The following KIF26B variants were observed in gnomAD, a reference collection of about 807,000 sequenced individuals.
KIF26B encodes the protein kinesin-like protein KIF26B.
In KIF26B, 63 loss-of-function variants were observed where a neutral mutation model predicts 151.2. The ratio of observed to expected loss-of-function variants is 0.42; its 90% CI spans 0.34 to 0.51. The LOEUF (loss-of-function observed/expected upper bound fraction) is 0.51, where lower values mean the gene tolerates loss of function less well. KIF26B is among the 20% of genes least tolerant of loss of function. KIF26B has a pLI of 0.07. For missense variants in KIF26B, 2,813 were observed against 2,913.6 expected (o/e 0.97, Z 0.79); for synonymous variants, 1,357 against 1,262.1 (o/e 1.08, Z -1.59).
intron 9 of KIF26B, among the ~76,000 whole-genome samples, chr1:245,619,198 G>A (rs1189845466): frequency 6.8e-6 from 1 of 147,364 alleles, no homozygotes; most frequent in Non-Finnish European, 1.5e-5. Context: ...CAGTGCTGGG[G>A]CTGTGTCTGC....
chr1:245,440,078 G>T (rs929346274), intron 4 of KIF26B, among the ~76,000 whole-genome samples: 5 of 152,064 alleles, frequency 3.3e-5, no homozygotes, highest in Non-Finnish European at 5.9e-5. Context: ...AAAATTAGCC[G>T]GGCGTGGTGG....
In KIF26B at chr1:245,698,364, C is replaced by T; in HGVS notation, c.6027+56C>T. 1 of 1,515,480 alleles carries T rather than the reference C, an allele frequency of 6.6e-7. No individual in the cohort carries two copies. Among genetic ancestry groups the T allele is most frequent in the Non-Finnish European group, 9.0e-7 (1 of 1,106,266 alleles). 93.9% of individuals were successfully genotyped at this position (1,515,480 alleles called of 1,614,324 possible). On this transcript the variant is annotated intron_variant, in intron 13 of 14. Transcript: ENST00000407071. This position sits in a 1 kb window ranked among gnomAD's most constrained non-coding sequence, Gnocchi z 4.0. ...ACGTGGTGGCAGCTCCCCACCAAGC[C>T]TGAGCAGGTGCTAGGCAGGGCCCTG...
rs147050743 is a variant in KIF26B at position 245,338,885 on chromosome 1, C to T, written c.466-27949C>T. Among the ~76,000 whole-genome samples, 524 of 152,200 alleles carry T rather than the reference C, an allele frequency of 3.4e-3. 1 individual carries two copies. Among genetic ancestry groups the T allele is most frequent in the Non-Finnish European group, 5.7e-3 (386 of 68,016 alleles). On this transcript the variant is annotated intron_variant, in intron 2 of 14. Coordinates refer to ENST00000407071, the MANE Select transcript of KIF26B (RefSeq NM_018012.4). Reference sequence around the variant, plus strand: ...CAGAAGGATTCAGTGATTAGGTATCCCAGACTACATAGGGTCTTGTGGGAT... The same window carrying T: ...CAGAAGGATTCAGTGATTAGGTATCTCAGACTACATAGGGTCTTGTGGGAT...
intron 4 of KIF26B, among the ~76,000 whole-genome samples, chr1:245,520,769 T>G (rs1409890433): frequency 6.6e-6 from 1 of 152,166 alleles, no homozygotes; most frequent in Non-Finnish European, 1.5e-5. Context: ...AAGGGCAATA[T>G]TAATGATCAG....
chr1:245,562,465 C>T (rs375289873), intron 5 of KIF26B, among the ~76,000 whole-genome samples: 4 of 152,212 alleles, frequency 2.6e-5, no homozygotes, highest in Non-Finnish European at 2.9e-5. Flanking sequence ...GGACCGGCCT[C>T]GGGAGTCCAG....
chr1:245,601,145 C>T lies in KIF26B; in HGVS notation c.1351-1432C>T, dbSNP rs2043391819. Among the ~76,000 whole-genome samples the T allele has an allele frequency of 6.6e-6, 1 of 152,104 alleles. No individual in the cohort carries two copies. The highest frequency in any genetic ancestry group is 2.4e-5 in the African/African-American group (1 of 41,428). On this transcript the variant is annotated intron_variant, in intron 5 of 14. Transcript: ENST00000407071. This position sits in a 1 kb window ranked among gnomAD's most constrained non-coding sequence, Gnocchi z 4.4. ...TCAGTGTGAGAAGCAAGATCTAAACCCTCAGAGGTAGAGTGCGTCCCACAC... is the reference window on the plus strand; with the variant it reads ...TCAGTGTGAGAAGCAAGATCTAAACTCTCAGAGGTAGAGTGCGTCCCACAC...
intron 2 of KIF26B, among the ~76,000 whole-genome samples, chr1:245,192,894 A>AT (rs11394975): frequency 0.84 from 128,126 of 151,696 alleles, 54,297 homozygotes; most frequent in East Asian, 0.92. Flanking sequence ...CCAACAGATA[A>AT]TTTTTTTTTA....
intron 4 of KIF26B, among the ~76,000 whole-genome samples, chr1:245,427,610 A>G (rs1023615162): frequency 2.2e-4 from 34 of 152,138 alleles, no homozygotes; most frequent in African/African-American, 8.2e-4. Flanking sequence ...CTCTGTCTCA[A>G]AACAAACAAA....
chr1:245,499,458 A>G (rs1266121448), intron 4 of KIF26B, among the ~76,000 whole-genome samples: 1 of 152,238 alleles, frequency 6.6e-6, no homozygotes, highest in Non-Finnish European at 1.5e-5. Context: ...CTGCACTGCC[A>G]TAGTCTATCG....
intron 4 of KIF26B, among the ~76,000 whole-genome samples, chr1:245,493,857 A>G (rs955009070): frequency 7.9e-5 from 12 of 152,194 alleles, no homozygotes; most frequent in African/African-American, 1.7e-4. Flanking sequence ...AGAGATCAAG[A>G]TCCTGGGAGG....
At chr1:245,211,273 C>T (rs899642626) in intron 2 of KIF26B, among the ~76,000 whole-genome samples, 1 of 152,170 alleles carries the variant, frequency 6.6e-6, no homozygotes, top group Non-Finnish European at 1.5e-5. Context: ...TTAGTCATGG[C>T]AGTAGAAAGT....
intron 2 of KIF26B, among the ~76,000 whole-genome samples, chr1:245,332,271 T>C (rs918840298): frequency 6.6e-6 from 1 of 152,150 alleles, no homozygotes; most frequent in African/African-American, 2.4e-5. Context: ...CCAACCTCTC[T>C]TTGAACTGTT....
At chr1:245,278,154 C>T (rs1487341649) in intron 2 of KIF26B, among the ~76,000 whole-genome samples, 1 of 152,068 alleles carries the variant, frequency 6.6e-6, no homozygotes, top group Non-Finnish European at 1.5e-5. Context: ...CTATAATTTT[C>T]CCCAAGTATT....
At chr1:245,164,521 G>A (rs1282714533) in intron 2 of KIF26B, among the ~76,000 whole-genome samples, 1 of 152,250 alleles carries the variant, frequency 6.6e-6, no homozygotes, top group Non-Finnish European at 1.5e-5. Context: ...CAAGGAACGT[G>A]GCGAAGCGTA....
rs540038671 is a variant in KIF26B at position 245,571,677 on chromosome 1, T to C, written c.1350+30727T>C. 6.6e-4 allele frequency among the ~76,000 whole-genome samples: 101 copies of C among 152,354 alleles called. 1 individual carries two copies. Among genetic ancestry groups the C allele is most frequent in the African/African-American group, 2.4e-3 (99 of 41,588 alleles). ...GGAGGGGAGTCATCCTAACAAGCTGTCTGTGTAGACAGTGGATTCTGTATT... is the reference window on the plus strand; with the variant it reads ...GGAGGGGAGTCATCCTAACAAGCTGCCTGTGTAGACAGTGGATTCTGTATT... On this transcript the variant is annotated intron_variant, in intron 5 of 14. Coordinates refer to ENST00000407071, the MANE Select transcript of KIF26B (RefSeq NM_018012.4).
At chr1:245,483,792 C>T (rs887200308) in intron 4 of KIF26B, among the ~76,000 whole-genome samples, 6 of 151,856 alleles carry the variant, frequency 4.0e-5, no homozygotes, top group African/African-American at 1.4e-4. Flanking sequence ...AACCTCCAAG[C>T]TCTAATCTTA....
intron 2 of KIF26B, among the ~76,000 whole-genome samples, chr1:245,313,921 C>G (rs970790441): frequency 6.6e-6 from 1 of 152,180 alleles, no homozygotes; most frequent in Non-Finnish European, 1.5e-5. Context: ...TCATGGCACC[C>G]CTCCTGTCAT....
rs377732724 is a variant in KIF26B at position 245,687,107 on chromosome 1, C to T, written c.4124C>T (p.Thr1375Met). 17 of 1,613,326 alleles carry T rather than the reference C, an allele frequency of 1.1e-5. No homozygotes were observed. Among genetic ancestry groups the T allele is most frequent in the Middle Eastern group, 1.6e-4 (1 of 6,084 alleles). The part of the protein sequence containing the change: ...VSKAMVTISN[T>M]ANLSSCEGYI... ...AAGGCCATGGTCACCATCTCCAACA[C>T]GGCCAATCTGAGCAGCTGCGAGGGG... Residue 1375 changes from threonine (T) to methionine (M), a missense_variant, in exon 12 of 15, where the codon ACG (threonine) becomes ATG (methionine). Transcript: ENST00000407071. This position sits in a 1 kb window ranked among gnomAD's most constrained non-coding sequence, Gnocchi z 4.9.
intron 2 of KIF26B, among the ~76,000 whole-genome samples, chr1:245,281,328 T>C (rs1479744085): frequency 1.6e-5 from 1 of 63,078 alleles, no homozygotes; most frequent in Non-Finnish European, 2.9e-5. Context: ...CTCATTGTGG[T>C]TTTGATTTGC....
Sources: allele counts gnomAD v4.1 joint callset (sites outside exome capture counted in the v4.1 genomes callset), GRCh38; gene constraint gnomAD v4.1.1; non-coding constraint Gnocchi (gnomAD v3.1); transcripts MANE v1.5; gene names NCBI Gene and HGNC (gene_info 2026-07-23, HGNC 2026-07-21).